BCAS3: variants seen among roughly 807,000 people sequenced by gnomAD.
The protein encoded by BCAS3 is BCAS3 microtubule associated cell migration factor, also known as BCAS4/BCAS3 fusion.
Under a neutral mutation model 116.1 loss-of-function variants are expected in BCAS3, and 53 were observed. The ratio of observed to expected loss-of-function variants is 0.46; its 90% CI spans 0.37 to 0.57. The LOEUF (loss-of-function observed/expected upper bound fraction) is 0.57. Among genes scored for constraint, BCAS3 ranks in the 20% least tolerant of loss-of-function variants. The probability of loss-of-function intolerance (pLI) is 0.00; values close to 1 mark genes in which losing one functional copy is unlikely to be tolerated. For missense variants in BCAS3, 917 were observed against 1,165.4 expected, an observed-to-expected ratio of 0.79 and a Z score of 3.10; for synonymous variants, 391 against 408.2, an observed-to-expected ratio of 0.96 and a Z score of 0.51.
At chr17:61,091,936 T>G (rs1375353694) in intron 22 of BCAS3, among the ~76,000 whole-genome samples, 1 of 152,204 alleles carries the variant, frequency 6.6e-6, no homozygotes, top group Admixed American at 6.5e-5. Flanking sequence ...ATCATACAGC[T>G]TGATGAATTT....
chr17:60,975,168 A>AT (rs2062247300), intron 14 of BCAS3, among the ~76,000 whole-genome samples: 1 of 149,576 alleles, frequency 6.7e-6, no homozygotes, highest in African/African-American at 2.5e-5. Context: ...CGCCCGGCTA[A>AT]TTTTTTGTAT....
chr17:61,059,063 C>CTTTTTTTTGTTTTTTTTTTTTTTTT (rs2069698193), intron 19 of BCAS3, among the ~76,000 whole-genome samples: 1 of 32,780 alleles, frequency 3.1e-5, no homozygotes, highest in African/African-American at 9.8e-5. Context: ...TTCTCCCCAT[C>CTTTTTTTTGTTTTTTTTTTTTTTTT]TTTTTTTTTT....
chr17:61,125,807 T>C (rs1426767315), intron 22 of BCAS3, among the ~76,000 whole-genome samples: 2 of 152,176 alleles, frequency 1.3e-5, no homozygotes, highest in Non-Finnish European at 2.9e-5. Context: ...TTCCAAAATG[T>C]CTTCTTTTAC....
rs371178241 is a variant in BCAS3 at position 61,285,231 on chromosome 17, T to TTGTGTGTGTGTGTGTGTG, written c.2426-83086_2426-83069dup. Reference sequence around the variant, plus strand: ...GTTTTGCTTTTCCCCTCCTCCTAGGTTGTGTGTGTGTGTGTGTGTGTGTGT... The same window carrying TTGTGTGTGTGTGTGTGTG: ...GTTTTGCTTTTCCCCTCCTCCTAGGTTGTGTGTGTGTGTGTGTGTGTGTGTGTGTGTGTGTGTGTGTGT... On this transcript the variant is annotated intron_variant, in intron 22 of 23. Coordinates refer to ENST00000407086, the MANE Select transcript of BCAS3 (RefSeq NM_017679.5). The surrounding 1 kb of genome is among the most constrained non-coding windows in gnomAD (Gnocchi z 5.4). 0.054 allele frequency among the ~76,000 whole-genome samples: 7,571 copies of TTGTGTGTGTGTGTGTGTG among 139,946 alleles called. 291 individuals carry two copies. Among genetic ancestry groups the TTGTGTGTGTGTGTGTGTG allele is most frequent in the African/African-American group, 0.14 (4,473 of 32,862 alleles). The allele number at this position is 139,946 out of a possible 152,430, so 91.8% of individuals were successfully genotyped here.
chr17:60,747,190 T>A lies in BCAS3; in HGVS notation c.322-8T>A. ...CCACTGAAATATTTTCTTTCTTCTC[T>A]TATGCAGATCAGTGGTGAAGCACAA... On this transcript the variant is annotated splice_polypyrimidine_tract_variant and splice_region_variant and intron_variant, in intron 5 of 23. Coordinates refer to ENST00000407086, the MANE Select transcript of BCAS3 (RefSeq NM_017679.5). The A allele has an allele frequency of 6.3e-7, 1 of 1,598,670 alleles. No homozygotes were observed. Among genetic ancestry groups the A allele is most frequent in the Non-Finnish European group, 8.6e-7 (1 of 1,167,036 alleles).
At position 61,178,406 on chromosome 17, in the gene BCAS3, C is replaced by A. The variant is rs1434960929; in HGVS notation, c.2425+93842C>A. Among the ~76,000 whole-genome samples, 4 of 152,026 alleles carry A rather than the reference C, an allele frequency of 2.6e-5. No homozygotes were observed. The East Asian group carries it at 7.7e-4, about 29-fold the overall frequency. ...TTTACCCATCCAATCACTTTTCACA[C>A]GTTTCTTCCATTAGCTTGACTAGAG... On this transcript the variant is annotated intron_variant, in intron 22 of 23. Transcript: ENST00000407086.
In BCAS3 at chr17:60,947,331, C is replaced by T. The variant is rs115567737; in HGVS notation, c.1200C>T (p.His400=). The T allele has an allele frequency of 1.9e-6, 3 of 1,613,348 alleles. No homozygotes were observed. The African/African-American group carries it at 4.0e-5, about 22-fold the overall frequency. The change falls in exon 14 of 24, where the codon CAC becomes CAT. Residue 400 remains histidine, a synonymous_variant. Transcript: ENST00000407086. ...QCAVHHLYTL[H]RGETEAKVQD... is the part of the protein sequence containing the mutation. The stretch of plus-strand genomic sequence containing the variant: ...CTGTCCACCATCTGTATACTCTTCA[C>T]AGGGGAGAAACTGAAGCCAAAGTAA...
Position 61,366,062 on chromosome 17 carries a change from G to A in BCAS3, c.2426-2265G>A, listed in dbSNP as rs1366592979. Among the ~76,000 whole-genome samples, 1 of 151,860 alleles carries A rather than the reference G, an allele frequency of 6.6e-6. No individual in the cohort carries two copies. ...GGAGGCTGAGACACGAGAATCGCCT[G>A]GACCCAGGAGGCAGAGGTTGCCGTG... On this transcript the variant is annotated intron_variant, in intron 22 of 23. Coordinates refer to ENST00000407086, the MANE Select transcript of BCAS3 (RefSeq NM_017679.5). The surrounding 1 kb of genome is among the most constrained non-coding windows in gnomAD (Gnocchi z 4.5).
chr17:61,067,740 AATAT>A (rs1334028912), intron 19 of BCAS3, among the ~76,000 whole-genome samples: 3 of 133,742 alleles, frequency 2.2e-5, no homozygotes, highest in Admixed American at 1.5e-4. Context: ...AAAAAAAAAA[AATAT>A]ATATATATAT....
intron 22 of BCAS3, among the ~76,000 whole-genome samples, chr17:61,192,246 C>CAAAAAAAAAAAAAAAA (rs60456812): frequency 0.08 from 5,620 of 70,028 alleles, 1,205 homozygotes; most frequent in East Asian, 0.15. Context: ...GCTCTGTTAC[C>CAAAAAAAAAAAAAAAA]AAAAAAAAAA....
rs184143877 is a variant in BCAS3, at chr17:61,213,568, C to A, written c.2425+129004C>A. Among the ~76,000 whole-genome samples the A allele has an allele frequency of 1.3e-3, 197 of 152,250 alleles. 1 individual carries two copies. Among genetic ancestry groups the A allele is most frequent in the African/African-American group, 4.3e-3 (180 of 41,542 alleles). On this transcript the variant is annotated intron_variant, in intron 22 of 23. Transcript: ENST00000407086. This position sits in a 1 kb window ranked among gnomAD's most constrained non-coding sequence, Gnocchi z 5.4. ...AAGAAAAAGTATTGCTATAACCATC[C>A]TACTTCAAATTCCTAGAATAATCTT...
At position 61,181,932 on chromosome 17, in the gene BCAS3, G is replaced by A. The variant is rs1320488133; in HGVS notation, c.2425+97368G>A. On this transcript the variant is annotated intron_variant, in intron 22 of 23. Transcript: ENST00000407086. This position sits in a 1 kb window ranked among gnomAD's most constrained non-coding sequence, Gnocchi z 5.0. ...TCCGCTGCCCAGGCTGGAGTGCAGC[G>A]TCATGATTCTAGCTCATTGCACCCT... 9.2e-5 allele frequency among the ~76,000 whole-genome samples: 14 copies of A among 151,420 alleles called. No homozygotes were observed. Among genetic ancestry groups the A allele is most frequent in the Non-Finnish European group, 1.5e-4 (10 of 67,918 alleles).
intron 22 of BCAS3, among the ~76,000 whole-genome samples, chr17:61,328,083 ATAATT>A (rs1463320636): frequency 2.0e-5 from 3 of 152,242 alleles, no homozygotes; most frequent in African/African-American, 7.2e-5. Flanking sequence ...AAAAAATGAA[ATAATT>A]TAATTATTGG....
At chr17:60,681,759 C>T (rs1014043247) in intron 2 of BCAS3, among the ~76,000 whole-genome samples, 7 of 145,234 alleles carry the variant, frequency 4.8e-5, no homozygotes, top group Admixed American at 1.4e-4. Flanking sequence ...GACGGAGTTT[C>T]GCTCTTTTTG....
chr17:60,902,832 C>G (rs1273892216), intron 11 of BCAS3, 129 bp downstream of exon 11: 4 of 715,164 alleles, frequency 5.6e-6, no homozygotes, highest in Non-Finnish European at 7.0e-6. Flanking sequence ...GATTTTAAGT[C>G]TGTTAACTAG....
chr17:60,985,505 C>T (rs2063085947), intron 14 of BCAS3, among the ~76,000 whole-genome samples: 1 of 152,056 alleles, frequency 6.6e-6, no homozygotes, highest in African/African-American at 2.4e-5. Flanking sequence ...TGACTATAGT[C>T]ACCTTATTGT....
At position 61,015,815 on chromosome 17, in the gene BCAS3, C is replaced by G. The variant is rs779368529; in HGVS notation, c.1551C>G (p.Leu517=). ...FTNNNPGNPR[L]SPLPSLMVVM... ...ACAACAACCCTGGCAACCCTCGGCT[C>G]TCTCCTCTTCCCAGCTTGATGGTAG... Residue 517 remains leucine, a synonymous_variant, in exon 16 of 24, where the codon CTC becomes CTG. Coordinates refer to ENST00000407086, the MANE Select transcript of BCAS3 (RefSeq NM_017679.5). The G allele has an allele frequency of 6.2e-7, 1 of 1,614,046 alleles. No individual in the cohort carries two copies. Among genetic ancestry groups the G allele is most frequent in the East Asian group, 2.2e-5 (1 of 44,868 alleles).
rs2047535167 is a variant in BCAS3 at position 61,241,682 on chromosome 17, G to A, written c.2426-126645G>A. ...TGCAGTGAGCCGAGATCGTGCCAGT[G>A]CACTCCAGCCTGGGCAACAGAGGGA... On this transcript the variant is annotated intron_variant, in intron 22 of 23. Transcript: ENST00000407086. The surrounding 1 kb of genome is among the most constrained non-coding windows in gnomAD (Gnocchi z 4.6). Among the ~76,000 whole-genome samples the A allele has an allele frequency of 6.6e-6, 1 of 152,064 alleles. No individual in the cohort carries two copies. The highest frequency in any genetic ancestry group is 2.1e-4 in the South Asian group (1 of 4,834).
At position 61,344,854 on chromosome 17, in the gene BCAS3, A is replaced by G. The variant is rs1292207073; in HGVS notation, c.2426-23473A>G. 2.6e-5 allele frequency among the ~76,000 whole-genome samples: 4 copies of G among 152,072 alleles called. No homozygotes were observed. The highest frequency in any genetic ancestry group is 1.9e-4 in the East Asian group (1 of 5,174). Reference sequence around the variant, plus strand: ...GGGACAACCATGGCGAGGAGTTGCAATGTCACTCCAGCCCCTTGTTTGCCA... The same window carrying G: ...GGGACAACCATGGCGAGGAGTTGCAGTGTCACTCCAGCCCCTTGTTTGCCA... On this transcript the variant is annotated intron_variant, in intron 22 of 23. Coordinates refer to ENST00000407086, the MANE Select transcript of BCAS3 (RefSeq NM_017679.5). This position sits in a 1 kb window ranked among gnomAD's most constrained non-coding sequence, Gnocchi z 4.1.
Sources: allele counts gnomAD v4.1 joint callset (sites outside exome capture counted in the v4.1 genomes callset), GRCh38; gene constraint gnomAD v4.1.1; non-coding constraint Gnocchi (gnomAD v3.1); transcripts MANE v1.5; gene names NCBI Gene and HGNC (gene_info 2026-07-23, HGNC 2026-07-21).